Variants in ADAMTS16 observed in about 807,000 individuals in gnomAD.
ADAMTS16 encodes A disintegrin and metalloproteinase with thrombospondin motifs 16.
ADAMTS16 carries 94 observed loss-of-function variants against 145.8 expected under a neutral mutation model. The observed-to-expected ratio is 0.64, with a 90% CI of 0.55 to 0.77. ADAMTS16 has a LOEUF of 0.77. ADAMTS16 is among the 30% of genes least tolerant of loss of function. The probability of loss-of-function intolerance (pLI) is 0.00; values close to 1 mark genes in which losing one functional copy is unlikely to be tolerated. For synonymous variants in ADAMTS16, 659 were observed against 604.3 expected (o/e 1.09, Z -1.33); for missense variants, 1,585 against 1,591.5 (o/e 1.00, Z 0.07).
intron 18 of ADAMTS16, among the ~76,000 whole-genome samples, chr5:5,267,037 G>A (rs1200567014): frequency 6.6e-6 from 1 of 152,174 alleles, no homozygotes; most frequent in African/African-American, 2.4e-5. Context: ...TACTAAATAT[G>A]TGGGAAAATC....
chr5:5,307,828 G>A (rs1471350065), intron 21 of ADAMTS16, among the ~76,000 whole-genome samples: 1 of 152,134 alleles, frequency 6.6e-6, no homozygotes, highest in Non-Finnish European at 1.5e-5. Context: ...TTTGGCTTTG[G>A]AGAATAGTCA....
intron 2 of ADAMTS16, among the ~76,000 whole-genome samples, chr5:5,143,857 G>A (rs566279240): frequency 5.3e-5 from 8 of 152,188 alleles, no homozygotes; most frequent in East Asian, 1.9e-4. Context: ...GGAAACCATC[G>A]TTCTCAGCAA....
chr5:5,251,707 G>A (rs575180120), intron 17 of ADAMTS16, among the ~76,000 whole-genome samples: 1 of 152,302 alleles, frequency 6.6e-6, no homozygotes. Context: ...AAATCTTGTG[G>A]AAGAGTAACT....
intron 18 of ADAMTS16, among the ~76,000 whole-genome samples, chr5:5,265,354 G>A (rs1163663460): frequency 1.3e-5 from 2 of 152,216 alleles, no homozygotes; most frequent in Non-Finnish European, 2.9e-5. Context: ...GCGGGAAGGG[G>A]CTGAACCAGG....
chr5:5,291,519 G>C (rs1050110414), intron 18 of ADAMTS16, among the ~76,000 whole-genome samples: 2 of 152,308 alleles, frequency 1.3e-5, no homozygotes, highest in Admixed American at 6.5e-5. Context: ...AAAAGCTACT[G>C]TGACCATCTC....
intron 18 of ADAMTS16, among the ~76,000 whole-genome samples, chr5:5,263,109 A>G (rs1043457990): frequency 2.0e-5 from 3 of 152,220 alleles, no homozygotes; most frequent in African/African-American, 7.2e-5. Flanking sequence ...TGTCCTGTCC[A>G]CTAGTGTGTG....
rs77549638 is a variant in ADAMTS16, at chr5:5,179,515, C to T, written c.502-2529C>T. Among the ~76,000 whole-genome samples the T allele has an allele frequency of 7.7e-3, 1,171 of 152,276 alleles. 5 individuals are homozygous for T. Among genetic ancestry groups the T allele is most frequent in the Non-Finnish European group, 0.012 (829 of 68,022 alleles). ...GGTTGAACACATTGATGACTGCTTA[C>T]GCTTCTCAGTTAGTTAAAATACAAA... On this transcript the variant is annotated intron_variant, in intron 3 of 22. Transcript: ENST00000274181.
chr5:5,205,571 T>G (rs1579309625), intron 9 of ADAMTS16, among the ~76,000 whole-genome samples: 1 of 152,206 alleles, frequency 6.6e-6, no homozygotes, highest in East Asian at 1.9e-4. Flanking sequence ...TAAATGAGAG[T>G]TCCTGTTTCT....
chr5:5,252,492 G>A (rs955022233), intron 17 of ADAMTS16, among the ~76,000 whole-genome samples: 1 of 152,078 alleles, frequency 6.6e-6, no homozygotes, highest in Non-Finnish European at 1.5e-5. Context: ...TTAGTGCATG[G>A]GGGTGAAAAC....
At chr5:5,219,095 G>A (rs961779409) in intron 10 of ADAMTS16, among the ~76,000 whole-genome samples, 1 of 152,006 alleles carries the variant, frequency 6.6e-6, no homozygotes, top group Non-Finnish European at 1.5e-5. Context: ...GCCTGAGTGT[G>A]GAGCCCTCTC....
chr5:5,156,805 G>A (rs924369971), intron 3 of ADAMTS16, among the ~76,000 whole-genome samples: 23 of 152,178 alleles, frequency 1.5e-4, no homozygotes, highest in African/African-American at 4.8e-4. Context: ...GGAGAAGTTA[G>A]GGTATATCTT....
Position 5,239,240 on chromosome 5 carries a change from C to G in ADAMTS16, c.2244C>G (p.His748Gln). The G allele has an allele frequency of 6.3e-7, 1 of 1,599,538 alleles. No homozygotes were observed. The highest frequency in any genetic ancestry group is 1.1e-5 in the South Asian group (1 of 88,252). ...CNGNNSACTI[H>Q]RGLYTKHHHT... ...GGAATAACTCAGCCTGCACGATTCA[C>G]AGGGGTCTCTACACCAAGCACCACC... Residue 748 changes from histidine to glutamine, a missense_variant, in exon 15 of 23, where the codon CAC becomes CAG. Coordinates refer to ENST00000274181, the MANE Select transcript of ADAMTS16 (RefSeq NM_139056.4).
At chr5:5,215,914 A>ATC (rs1736427076) in intron 10 of ADAMTS16, among the ~76,000 whole-genome samples, 2 of 115,534 alleles carry the variant, frequency 1.7e-5, no homozygotes, top group South Asian at 2.8e-4. Context: ...ATATATATAT[A>ATC]TCACAGTTTC....
At chr5:5,204,343 A>G (rs946135196) in intron 9 of ADAMTS16, among the ~76,000 whole-genome samples, 2 of 152,228 alleles carry the variant, frequency 1.3e-5, no homozygotes, top group Non-Finnish European at 2.9e-5. Flanking sequence ...TACGAAATAT[A>G]TACAGAAAAG....
Position 5,140,483 on chromosome 5 carries a change from C to A in ADAMTS16, c.16C>A (p.Arg6Ser). 6.6e-7 allele frequency: 1 copy of A among 1,515,492 alleles called. No individual in the cohort carries two copies. The highest frequency in any genetic ancestry group is 8.8e-7 in the Non-Finnish European group (1 of 1,141,540). The allele number at this position is 1,515,492 out of a possible 1,614,324, so 93.9% of individuals were successfully genotyped here. A position where few individuals can be genotyped will look rare whatever the true frequency, so the allele number is the denominator to read the frequency against. Residue 6 changes from arginine to serine, a missense_variant, in exon 1 of 23, where the codon CGC (arginine) becomes AGC (serine). Physicochemically the swap from Arg to Ser is moderately radical, Grantham distance 110. Coordinates refer to ENST00000274181, the MANE Select transcript of ADAMTS16 (RefSeq NM_139056.4). MKPRA[R>S]GWRGLAALWM... The stretch of plus-strand genomic sequence containing the variant: ...GCGCTCCTGGATGAAGCCCCGCGCG[C>A]GCGGATGGCGGGGCTTGGCGGCGCT...
intron 3 of ADAMTS16, among the ~76,000 whole-genome samples, chr5:5,162,508 T>C (rs1020696688): frequency 2.0e-5 from 3 of 152,108 alleles, no homozygotes; most frequent in Non-Finnish European, 4.4e-5. Flanking sequence ...TTGGGCAACA[T>C]TGGGTATTGG....
intron 19 of ADAMTS16, 21 bp from the exon 20 acceptor site, chr5:5,303,551 T>C (rs372784427): frequency 6.2e-7 from 1 of 1,612,140 alleles, no homozygotes; most frequent in Non-Finnish European, 8.5e-7. Flanking sequence ...ACTGGGTGCT[T>C]ATCCTGACTG....
intron 21 of ADAMTS16, among the ~76,000 whole-genome samples, chr5:5,311,883 ATTGT>A (rs796688542): frequency 6.6e-6 from 1 of 151,762 alleles, no homozygotes; most frequent in African/African-American, 2.4e-5. Flanking sequence ...CGCCTGGCTA[ATTGT>A]TTGTATTTTT....
chr5:5,264,315 A>G (rs1455235200), intron 18 of ADAMTS16, among the ~76,000 whole-genome samples: 1 of 152,056 alleles, frequency 6.6e-6, no homozygotes, highest in East Asian at 1.9e-4. Context: ...CCTCTATTAA[A>G]AACCACCTGA....
Sources: allele counts gnomAD v4.1 joint callset (sites outside exome capture counted in the v4.1 genomes callset), GRCh38; gene constraint gnomAD v4.1.1; transcripts MANE v1.5; gene names NCBI Gene and HGNC (gene_info 2026-07-23, HGNC 2026-07-21).